HS6ST3: variants seen among roughly 807,000 people sequenced by gnomAD.
The protein encoded by HS6ST3 is heparan-sulfate 6-O-sulfotransferase 3.
In HS6ST3, 12 loss-of-function variants were observed where a neutral mutation model predicts 36.7. The ratio of observed to expected loss-of-function variants is 0.33; its 90% confidence interval spans 0.21 to 0.53. HS6ST3 has a LOEUF of 0.53. Ranked by LOEUF, HS6ST3 falls within the 20% of genes least tolerant of loss-of-function variation. The pLI is 0.95. For missense variants in HS6ST3, 584 were observed against 640.9 expected (o/e 0.91, Z 0.96); for synonymous variants, 240 against 257.5 (o/e 0.93, Z 0.65).
intron 1 of HS6ST3, among the ~76,000 whole-genome samples, chr13:96,236,791 A>G (rs1448043690): frequency 6.6e-6 from 1 of 152,156 alleles, no homozygotes; most frequent in Non-Finnish European, 1.5e-5. Context: ...ACTTCCTGAA[A>G]TGGCTCTGTC....
chr13:96,719,639 C>T (rs1398593656), intron 1 of HS6ST3, among the ~76,000 whole-genome samples: 1 of 152,154 alleles, frequency 6.6e-6, no homozygotes, highest in African/African-American at 2.4e-5. Flanking sequence ...TACTGTTTTA[C>T]ATTATGTGAT....
intron 1 of HS6ST3, among the ~76,000 whole-genome samples, chr13:96,308,098 T>C (rs1307625436): frequency 6.6e-6 from 1 of 152,118 alleles, no homozygotes; most frequent in African/African-American, 2.4e-5. Context: ...AAAATGATAG[T>C]GCCAGACTTC....
intron 1 of HS6ST3, among the ~76,000 whole-genome samples, chr13:96,387,125 C>T (rs2055372477): frequency 6.6e-6 from 1 of 152,130 alleles, no homozygotes; most frequent in Admixed American, 6.6e-5. Flanking sequence ...TAATTGTTGA[C>T]AGCCTTCTGC....
chr13:96,349,352 T>G (rs1355466702), intron 1 of HS6ST3, among the ~76,000 whole-genome samples: 1 of 152,210 alleles, frequency 6.6e-6, no homozygotes, highest in Non-Finnish European at 1.5e-5. Context: ...TATATTCTTC[T>G]TAAGAAAGTG....
At chr13:96,222,911 T>C (rs2054462881) in intron 1 of HS6ST3, among the ~76,000 whole-genome samples, 1 of 152,172 alleles carries the variant, frequency 6.6e-6, no homozygotes, top group South Asian at 2.1e-4. Context: ...TATATATATG[T>C]TTCAGTGGGG....
chr13:96,661,527 G>A (rs1246299866), intron 1 of HS6ST3, among the ~76,000 whole-genome samples: 1 of 152,058 alleles, frequency 6.6e-6, no homozygotes, highest in Non-Finnish European at 1.5e-5. Flanking sequence ...CAGTATATGG[G>A]TGAATCTCAG....
intron 1 of HS6ST3, among the ~76,000 whole-genome samples, chr13:96,155,059 T>C (rs1000850760): frequency 2.0e-5 from 3 of 152,154 alleles, no homozygotes; most frequent in Admixed American, 2.0e-4. Flanking sequence ...ATGGTTAAGT[T>C]AATCATTCAG....
At chr13:96,469,853 T>C (rs2138889598) in intron 1 of HS6ST3, among the ~76,000 whole-genome samples, 1 of 152,244 alleles carries the variant, frequency 6.6e-6, no homozygotes, top group African/African-American at 2.4e-5. Context: ...GAAACGTGAC[T>C]GGTACAACAC....
rs2055618155 is a variant in HS6ST3 at position 96,432,029 on chromosome 13, C to T, written c.707+340460C>T. Among the ~76,000 whole-genome samples the T allele has an allele frequency of 2.6e-5, 4 of 152,174 alleles. 1 individual carries two copies. The South Asian group carries it at 8.3e-4, about 32-fold the overall frequency. The stretch of plus-strand genomic sequence containing the variant: ...TCTCCTGCTTTTACGATTTCAGGTT[C>T]AAATCTCTCCAACCAGAAGTGGGTG... On this transcript the variant is annotated intron_variant, in intron 1 of 1. Coordinates refer to ENST00000376705, the MANE Select transcript of HS6ST3 (RefSeq NM_153456.4).
chr13:96,746,636 ATGTT>A (rs1186580991), intron 1 of HS6ST3, among the ~76,000 whole-genome samples: 2 of 152,076 alleles, frequency 1.3e-5, no homozygotes, highest in South Asian at 2.1e-4. Flanking sequence ...ATAATTATAA[ATGTT>A]TGAGTCATGA....
At chr13:96,126,963 A>G (rs1274385678) in intron 1 of HS6ST3, among the ~76,000 whole-genome samples, 3 of 152,166 alleles carry the variant, frequency 2.0e-5, no homozygotes, top group Admixed American at 6.5e-5. Context: ...AACTGGGCCT[A>G]TAAAGGTGAT....
intron 1 of HS6ST3, among the ~76,000 whole-genome samples, chr13:96,297,277 G>A (rs1188503775): frequency 6.6e-6 from 1 of 151,712 alleles, no homozygotes; most frequent in Non-Finnish European, 1.5e-5. Flanking sequence ...CTATCTACTA[G>A]TTTTCCACAA....
chr13:96,105,073 A>AG (rs2053835252), intron 1 of HS6ST3, among the ~76,000 whole-genome samples: 1 of 151,384 alleles, frequency 6.6e-6, no homozygotes, highest in South Asian at 2.1e-4. Context: ...ATGGAAAAAA[A>AG]AAAAAAAGAA....
rs547295822 is a variant in HS6ST3 at position 96,813,679 on chromosome 13, C to G, written c.708-18811C>G. On this transcript the variant is annotated intron_variant, in intron 1 of 1. Coordinates refer to ENST00000376705, the MANE Select transcript of HS6ST3 (RefSeq NM_153456.4). ...AAGGCTTTTGAACATTCACATCTGG[C>G]CTTCAATGTAGCATAGACTTTTGAA... Among the ~76,000 whole-genome samples, 5 of 152,284 alleles carry G rather than the reference C, an allele frequency of 3.3e-5. No homozygotes were observed. The East Asian group carries it at 7.7e-4, about 23-fold the overall frequency.
At position 96,687,359 on chromosome 13, in the gene HS6ST3, G is replaced by A. The variant is rs368004692; in HGVS notation, c.708-145131G>A. On this transcript the variant is annotated intron_variant, in intron 1 of 1. Coordinates refer to ENST00000376705, the MANE Select transcript of HS6ST3 (RefSeq NM_153456.4). ...ACATGGTGTGTTCTTTTTTGTGTGT[G>A]CGATTTGGTCACAGTTGGCTGAAAG... is the stretch of plus-strand genomic sequence containing the variant. 2.8e-4 allele frequency among the ~76,000 whole-genome samples: 43 copies of A among 152,002 alleles called. 1 individual carries two copies. The highest frequency in any genetic ancestry group is 9.9e-4 in the African/African-American group (41 of 41,500).
At chr13:96,477,559 T>C (rs1367445273) in intron 1 of HS6ST3, among the ~76,000 whole-genome samples, 1 of 152,104 alleles carries the variant, frequency 6.6e-6, no homozygotes, top group Non-Finnish European at 1.5e-5. Flanking sequence ...AAGTCTCATA[T>C]ATACCCAAAA....
intron 1 of HS6ST3, among the ~76,000 whole-genome samples, chr13:96,382,097 C>T (rs760883462): frequency 6.6e-6 from 1 of 152,100 alleles, no homozygotes; most frequent in Non-Finnish European, 1.5e-5. Flanking sequence ...GAGCCTGCTA[C>T]TCAGGGAGGA....
intron 1 of HS6ST3, among the ~76,000 whole-genome samples, chr13:96,161,106 C>T (rs988825987): frequency 6.6e-6 from 1 of 152,106 alleles, no homozygotes; most frequent in African/African-American, 2.4e-5. Context: ...AAAAGTTATC[C>T]AGTGCCTATT....
At chr13:96,659,957 T>C (rs925445883) in intron 1 of HS6ST3, among the ~76,000 whole-genome samples, 1 of 152,146 alleles carries the variant, frequency 6.6e-6, no homozygotes, top group Non-Finnish European at 1.5e-5. Context: ...ACATTCAACA[T>C]AATGCCACTT....
Sources: allele counts gnomAD v4.1 joint callset (sites outside exome capture counted in the v4.1 genomes callset), GRCh38; gene constraint gnomAD v4.1.1; transcripts MANE v1.5; gene names NCBI Gene and HGNC (gene_info 2026-07-23, HGNC 2026-07-21).